The following OLA1 variants were observed in gnomAD, a reference collection of about 807,000 sequenced individuals.
The protein encoded by OLA1 is Obg like ATPase 1.
Under a neutral mutation model 48.4 loss-of-function variants are expected in OLA1, and 14 were observed. The observed-to-expected ratio is 0.29, with a 90% CI of 0.19 to 0.45. The LOEUF is 0.45. Among genes scored for constraint, OLA1 ranks in the 20% least tolerant of loss-of-function variants. OLA1 has a pLI of 1.00. For missense variants in OLA1, 325 were observed against 467.1 expected (o/e 0.70, Z 2.80); for synonymous variants, 127 against 150.4 (o/e 0.84, Z 1.14).
chr2:174,215,474 A>G (rs1688344004), intron 4 of OLA1, among the ~76,000 whole-genome samples: 2 of 152,200 alleles, frequency 1.3e-5, no homozygotes, highest in Non-Finnish European at 2.9e-5. Flanking sequence ...CTTTTTTTCA[A>G]TAACTATAAT....
intron 4 of OLA1, among the ~76,000 whole-genome samples, chr2:174,174,296 A>G (rs915320793): frequency 1.3e-5 from 2 of 151,980 alleles, no homozygotes; most frequent in African/African-American, 4.8e-5. Flanking sequence ...TATTTTTAGC[A>G]AATCAAATTC....
At chr2:174,149,075 TCTAC>T (rs61165728) in intron 4 of OLA1, among the ~76,000 whole-genome samples, 17,316 of 152,136 alleles carry the variant, frequency 0.11, 2,274 homozygotes, top group East Asian at 0.72. Flanking sequence ...GAAGGAGCTG[TCTAC>T]ATGTGCTCTC....
chr2:174,101,554 C>G (rs796911900), intron 7 of OLA1, among the ~76,000 whole-genome samples: 4 of 152,236 alleles, frequency 2.6e-5, no homozygotes, highest in African/African-American at 9.6e-5. Flanking sequence ...CTTTTTGTGA[C>G]TTATCCAAGA....
intron 7 of OLA1, among the ~76,000 whole-genome samples, chr2:174,095,240 G>A (rs1388686806): frequency 6.6e-6 from 1 of 151,222 alleles, no homozygotes; most frequent in Non-Finnish European, 1.5e-5. Context: ...GTTTTCCATA[G>A]TGGCTGCATC....
intron 7 of OLA1, among the ~76,000 whole-genome samples, chr2:174,089,776 C>T (rs1426269458): frequency 6.6e-6 from 1 of 151,790 alleles, no homozygotes; most frequent in Non-Finnish European, 1.5e-5. Flanking sequence ...GTAGCCCATG[C>T]CTGTAGTCCC....
At chr2:174,081,550 A>G (rs950827636) in intron 8 of OLA1, among the ~76,000 whole-genome samples, 6 of 152,120 alleles carry the variant, frequency 3.9e-5, no homozygotes, top group Non-Finnish European at 7.4e-5. Context: ...TGGCCATAAA[A>G]GCAAAATTAT....
rs148034059 is a variant in OLA1, at chr2:174,086,122, G to C, written c.729-4058C>G. 8.8e-3 allele frequency among the ~76,000 whole-genome samples: 1,343 copies of C among 152,248 alleles called. 11 individuals are homozygous for C. Among genetic ancestry groups the C allele is most frequent in the Non-Finnish European group, 0.013 (886 of 68,020 alleles). ...GATCTACGGAGGGTCCTGGGATCCAGGGAAGTTTTATTAATGTTTTTAGGC... is the reference window on the plus strand; with the variant it reads ...GATCTACGGAGGGTCCTGGGATCCACGGAAGTTTTATTAATGTTTTTAGGC... On this transcript the variant is annotated intron_variant, in intron 7 of 10. Coordinates refer to ENST00000284719, the MANE Select transcript of OLA1 (RefSeq NM_013341.5).
chr2:174,214,563 C>T (rs1688318980), intron 4 of OLA1, among the ~76,000 whole-genome samples: 3 of 152,086 alleles, frequency 2.0e-5, no homozygotes, highest in Admixed American at 2.0e-4. Flanking sequence ...TGGCACTACA[C>T]CACGTACCAA....
chr2:174,233,576 T>C (rs528265133), intron 2 of OLA1, among the ~76,000 whole-genome samples: 14 of 152,282 alleles, frequency 9.2e-5, no homozygotes, highest in Admixed American at 2.6e-4. Flanking sequence ...GGTTTTGCCA[T>C]GTTGGCCAGG....
chr2:174,228,548 C>A (rs1407361774), intron 3 of OLA1, among the ~76,000 whole-genome samples: 1 of 152,094 alleles, frequency 6.6e-6, no homozygotes, highest in Non-Finnish European at 1.5e-5. Flanking sequence ...GAACTTCCTA[C>A]AATGAACTTA....
At chr2:174,184,696 T>C (rs900254452) in intron 4 of OLA1, among the ~76,000 whole-genome samples, 1 of 152,124 alleles carries the variant, frequency 6.6e-6, no homozygotes, top group Non-Finnish European at 1.5e-5. Flanking sequence ...TAAGAGGGAA[T>C]TGAAACTGAG....
intron 4 of OLA1, among the ~76,000 whole-genome samples, chr2:174,151,435 C>T (rs777478732): frequency 6.6e-6 from 1 of 152,190 alleles, no homozygotes; most frequent in Non-Finnish European, 1.5e-5. Flanking sequence ...TTTTACATTG[C>T]TTTCCAGTTT....
chr2:174,223,216 C>G, intron 3 of OLA1, 56 bp from the exon 4 acceptor site: 1 of 1,483,166 alleles, frequency 6.7e-7, no homozygotes, highest in South Asian at 1.2e-5. Context: ...TATCTATCAA[C>G]CAAATGAATT....
chr2:174,118,609 T>TAG (rs1685837909), intron 7 of OLA1, among the ~76,000 whole-genome samples: 1 of 152,224 alleles, frequency 6.6e-6, no homozygotes, highest in African/African-American at 2.4e-5. Flanking sequence ...CTGTGGAAGC[T>TAG]AGAAAAAATT....
intron 4 of OLA1, among the ~76,000 whole-genome samples, chr2:174,155,406 A>G (rs937209861): frequency 2.0e-5 from 3 of 152,240 alleles, no homozygotes; most frequent in Non-Finnish European, 4.4e-5. Flanking sequence ...AAAAAGATCA[A>G]TTTCACAGCA....
chr2:174,209,939 C>A (rs985862029), intron 4 of OLA1, among the ~76,000 whole-genome samples: 1 of 151,780 alleles, frequency 6.6e-6, no homozygotes, highest in Non-Finnish European at 1.5e-5. Context: ...AACTATTAAC[C>A]AATGATATAT....
chr2:174,217,600 T>C (rs1016054636), intron 4 of OLA1, among the ~76,000 whole-genome samples: 2 of 152,206 alleles, frequency 1.3e-5, no homozygotes, highest in Non-Finnish European at 2.9e-5. Context: ...TCTTGACATA[T>C]GCATACACCT....
chr2:174,162,844 G>A (rs1382101734), intron 4 of OLA1, among the ~76,000 whole-genome samples: 1 of 152,094 alleles, frequency 6.6e-6, no homozygotes, highest in African/African-American at 2.4e-5. Flanking sequence ...AGGAGTTTGA[G>A]ACCAGCCTGG....
chr2:174,205,965 A>ATAAG (rs1295047547), intron 4 of OLA1, among the ~76,000 whole-genome samples: 5 of 152,224 alleles, frequency 3.3e-5, no homozygotes, highest in African/African-American at 1.2e-4. Context: ...AGCAAATGGC[A>ATAAG]CTACCAAGCC....
Sources: gnomAD v4.1 joint callset for allele counts (sites outside exome capture counted in the v4.1 genomes callset) on GRCh38, gnomAD v4.1.1 for gene constraint, MANE v1.5 for transcripts, NCBI Gene and HGNC (gene_info 2026-07-23, HGNC 2026-07-21) for gene names.